Variants in SLC6A3 observed in about 807,000 individuals in gnomAD.
SLC6A3 encodes solute carrier family 6 member 3.
In SLC6A3, 19 loss-of-function variants were observed where a neutral mutation model predicts 70.4. The ratio of observed to expected loss-of-function variants is 0.27; its 90% confidence interval spans 0.19 to 0.40. The LOEUF is 0.40. Ranked by LOEUF, SLC6A3 falls within the 10% of genes least tolerant of loss-of-function variation. The pLI, the probability that SLC6A3 is intolerant of heterozygous loss-of-function variation, is 1.00. For synonymous variants in SLC6A3, 368 were observed against 356.6 expected (o/e 1.03, Z -0.36); for missense variants, 613 against 838.5 (o/e 0.73, Z 3.32).
At position 1,397,822 on chromosome 5, in the gene SLC6A3, C is replaced by G. The variant is rs997747998; in HGVS notation, c.1840-3064G>C. On this transcript the variant is annotated intron_variant, in intron 14 of 14. Coordinates refer to ENST00000270349, the MANE Select transcript of SLC6A3 (RefSeq NM_001044.5). This position sits in a 1 kb window ranked among gnomAD's most constrained non-coding sequence, Gnocchi z 4.7. ...TCTATAACAAAAGTATGGGAACCAA[C>G]AAACACCAAGCATGCACATTAGTCC... is the stretch of plus-strand genomic sequence containing the variant. Among the ~76,000 whole-genome samples the G allele has an allele frequency of 2.6e-5, 4 of 152,184 alleles. No individual in the cohort carries two copies. The highest frequency in any genetic ancestry group is 2.6e-4 in the Admixed American group (4 of 15,286).
In SLC6A3 at chr5:1,396,295, G is replaced by T. The variant is rs889730818; in HGVS notation, c.1840-1537C>A. 6.6e-6 allele frequency among the ~76,000 whole-genome samples: 1 copy of T among 152,182 alleles called. No individual in the cohort carries two copies. The highest frequency in any genetic ancestry group is 1.5e-5 in the Non-Finnish European group (1 of 68,038). On this transcript the variant is annotated intron_variant, in intron 14 of 14. Transcript: ENST00000270349. This position sits in a 1 kb window ranked among gnomAD's most constrained non-coding sequence, Gnocchi z 7.0. Reference sequence around the variant, plus strand: ...TGACCTAGATGGAATAATAGGGATCGAATTTACCCTACTGTCCGAAACAAG... The same window carrying T: ...TGACCTAGATGGAATAATAGGGATCTAATTTACCCTACTGTCCGAAACAAG...
chr5:1,429,484 G>A (rs1295289096), intron 4 of SLC6A3, among the ~76,000 whole-genome samples: 1 of 152,142 alleles, frequency 6.6e-6, no homozygotes, highest in African/African-American at 2.4e-5. Context: ...AATAGACTTC[G>A]CTAGTCTGAT....
rs1330490041 is a variant in SLC6A3 at position 1,423,061 on chromosome 5, G to T, written c.654-1047C>A. 4.9e-5 allele frequency among the ~76,000 whole-genome samples: 4 copies of T among 81,824 alleles called. 2 individuals carry two copies. Among genetic ancestry groups the T allele is most frequent in the Non-Finnish European group, 8.8e-5 (4 of 45,240 alleles). 53.7% of individuals were successfully genotyped at this position (81,824 alleles called of 152,430 possible). On this transcript the variant is annotated intron_variant, in intron 4 of 14. Coordinates refer to ENST00000270349, the MANE Select transcript of SLC6A3 (RefSeq NM_001044.5). ...CACTGCCCACAGTACTGCCCAAGGT[G>T]CTGGGTACCCACCACTGCCCACAGT... is the stretch of plus-strand genomic sequence containing the variant.
rs1012798954 is a variant in SLC6A3, at chr5:1,402,470, G to A, written c.1767+452C>T. 1.3e-4 allele frequency among the ~76,000 whole-genome samples: 20 copies of A among 151,990 alleles called. No individual in the cohort carries two copies. Among genetic ancestry groups the A allele is most frequent in the Non-Finnish European group, 1.9e-4 (13 of 68,020 alleles). ...GACCTAGATCACCCCTGATTCTACC[G>A]CCCTCAGATGGCTTCTGTGTCCACC... is the stretch of plus-strand genomic sequence containing the variant. On this transcript the variant is annotated intron_variant, in intron 13 of 14. Transcript: ENST00000270349. The surrounding 1 kb of genome is among the most constrained non-coding windows in gnomAD (Gnocchi z 8.5).
At position 1,397,192 on chromosome 5, in the gene SLC6A3, AGT is replaced by A. The variant is rs1426100005; in HGVS notation, c.1840-2436_1840-2435del. On this transcript the variant is annotated intron_variant, in intron 14 of 14. Transcript: ENST00000270349. The surrounding 1 kb of genome is among the most constrained non-coding windows in gnomAD (Gnocchi z 4.7). ...ACAGAAAGGCAGAAGGCAATCTTTC[AGT>A]GTGTGGCTGCAAAATTCACAGAATG... 6.6e-6 allele frequency among the ~76,000 whole-genome samples: 1 copy of A among 152,254 alleles called. No homozygotes were observed. The highest frequency in any genetic ancestry group is 1.5e-5 in the Non-Finnish European group (1 of 68,048).
chr5:1,444,707 A>AGCC (rs986454250), intron 1 of SLC6A3, among the ~76,000 whole-genome samples: 2 of 152,212 alleles, frequency 1.3e-5, no homozygotes, highest in East Asian at 1.9e-4. Context: ...GTCTCCGGCA[A>AGCC]GCCGCCGCCG....
In SLC6A3 at chr5:1,421,741, C is replaced by G; in HGVS notation, c.792+135G>C. Reference sequence around the variant, plus strand: ...AACTCAACCATGGCCATGTGTCCACCCCAACCTGGCCATGGCCACATTGGT... The same window carrying G: ...AACTCAACCATGGCCATGTGTCCACGCCAACCTGGCCATGGCCACATTGGT... On this transcript the variant is annotated intron_variant, in intron 5 of 14. Coordinates refer to ENST00000270349, the MANE Select transcript of SLC6A3 (RefSeq NM_001044.5). The surrounding 1 kb of genome is among the most constrained non-coding windows in gnomAD (Gnocchi z 7.2). 1 of 954,492 alleles carries G rather than the reference C, an allele frequency of 1.0e-6. No homozygotes were observed. Among genetic ancestry groups the G allele is most frequent in the Non-Finnish European group, 1.7e-6 (1 of 591,578 alleles). 59.1% of individuals were successfully genotyped at this position (954,492 alleles called of 1,614,324 possible).
rs431905516 is a variant in SLC6A3, at chr5:1,406,226, G to A, written c.1561C>T (p.Arg521Trp). The change falls in exon 12 of 15, where the codon CGG (arginine) becomes TGG (tryptophan). Residue 521 changes from arginine to tryptophan, a missense_variant. Coordinates refer to ENST00000270349, the MANE Select transcript of SLC6A3 (RefSeq NM_001044.5). The surrounding 1 kb of genome is among the most constrained non-coding windows in gnomAD (Gnocchi z 8.8). ...GGGCTGACCAGCTTCCAGCACAGCC[G>A]CCAGTACAGGCTGGGCCGCTGCCCG... ...MTGQRPSLYW[R>W]LCWKLVSPCF... 6 of 1,612,954 alleles carry A rather than the reference G, an allele frequency of 3.7e-6. No homozygotes were observed. The highest frequency in any genetic ancestry group is 1.1e-5 in the South Asian group (1 of 91,088).
intron 4 of SLC6A3, 112 bp downstream of exon 4, chr5:1,432,352 C>A (rs1756723259): frequency 2.6e-6 from 2 of 772,256 alleles, no homozygotes; most frequent in Non-Finnish European, 4.5e-6. Context: ...GGAACAGATT[C>A]CCCCTCCCCG....
Position 1,441,510 on chromosome 5 carries a change from C to G in SLC6A3, c.287-20G>C. Reference sequence around the variant, plus strand: ...AGGCACCTGTGGGGCAGAAAAGCACCTTTAGTTTGGGGCCTCGGAAGGGCC... The same window carrying G: ...AGGCACCTGTGGGGCAGAAAAGCACGTTTAGTTTGGGGCCTCGGAAGGGCC... On this transcript the variant is annotated intron_variant, in intron 2 of 14. Transcript: ENST00000270349. 1.2e-6 allele frequency: 2 copies of G among 1,612,606 alleles called. No homozygotes were observed. The highest frequency in any genetic ancestry group is 1.7e-6 in the Non-Finnish European group (2 of 1,179,232).
At chr5:1,423,677 C>A (rs1002389906) in intron 4 of SLC6A3, among the ~76,000 whole-genome samples, 4 of 152,182 alleles carry the variant, frequency 2.6e-5, no homozygotes, top group Non-Finnish European at 5.9e-5. Context: ...AGGTCCTGGG[C>A]CCCCTGTCTG....
intron 4 of SLC6A3, among the ~76,000 whole-genome samples, chr5:1,425,364 T>C (rs1417315971): frequency 6.6e-6 from 1 of 152,156 alleles, no homozygotes; most frequent in African/African-American, 2.4e-5. Context: ...TTAGAACAAA[T>C]CTAACACTCT....
intron 7 of SLC6A3, among the ~76,000 whole-genome samples, chr5:1,415,372 G>A (rs1392042914): frequency 1.3e-5 from 2 of 152,256 alleles, no homozygotes; most frequent in East Asian, 3.9e-4. Context: ...TCACTGGGGT[G>A]GAAGGACCAC....
In SLC6A3 at chr5:1,421,985, T is replaced by C; in HGVS notation, c.683A>G (p.His228Arg). The C allele has an allele frequency of 6.2e-7, 1 of 1,612,768 alleles. No homozygotes were observed. Among genetic ancestry groups the C allele is most frequent in the Non-Finnish European group, 8.5e-7 (1 of 1,180,014 alleles). Residue 228 changes from histidine to arginine, a missense_variant, in exon 5 of 15, where the codon CAT becomes CGT. Physicochemically the swap from His to Arg is conservative, Grantham distance 29 (BLOSUM62 0). Coordinates refer to ENST00000270349, the MANE Select transcript of SLC6A3 (RefSeq NM_001044.5). This position sits in a 1 kb window ranked among gnomAD's most constrained non-coding sequence, Gnocchi z 7.2. ...ERGVLHLHQS[H>R]GIDDLGPPRW... Reference sequence around the variant, plus strand: ...CGGAGGCCCCAGGTCGTCGATGCCATGGCTCTGGTGGAGGTGCAGCACGCC... The same window carrying C: ...CGGAGGCCCCAGGTCGTCGATGCCACGGCTCTGGTGGAGGTGCAGCACGCC...
chr5:1,409,156 G>A (rs1209296406), intron 10 of SLC6A3, 31 bp from the exon 11 acceptor site: 9 of 1,508,140 alleles, frequency 6.0e-6, no homozygotes, highest in African/African-American at 5.5e-5. Flanking sequence ...TGGACCTACA[G>A]AAGGGCTTTC....
At chr5:1,423,681 CT>C (rs961913156) in intron 4 of SLC6A3, among the ~76,000 whole-genome samples, 50 of 152,000 alleles carry the variant, frequency 3.3e-4, no homozygotes, top group African/African-American at 1.2e-3. Context: ...CCTGGGCCCC[CT>C]GTCTGTGGGA....
chr5:1,441,024 G>A (rs559986720), intron 3 of SLC6A3, among the ~76,000 whole-genome samples: 29 of 152,366 alleles, frequency 1.9e-4, no homozygotes, highest in African/African-American at 7.0e-4. Context: ...TGGATAGATA[G>A]ATAACAGATG....
chr5:1,441,807 G>C (rs746051544), intron 2 of SLC6A3, among the ~76,000 whole-genome samples: 19 of 152,056 alleles, frequency 1.2e-4, no homozygotes, highest in Non-Finnish European at 2.5e-4. Context: ...GTGGTGGTTC[G>C]GGGTGCCCTT....
intron 6 of SLC6A3, among the ~76,000 whole-genome samples, chr5:1,418,102 TG>T (rs796973489): frequency 1.8e-4 from 28 of 152,268 alleles, no homozygotes; most frequent in African/African-American, 6.0e-4. Context: ...GGGTGGGCAG[TG>T]GGTGGAGAGG....
Sources: gnomAD v4.1 joint callset for allele counts (sites outside exome capture counted in the v4.1 genomes callset) on GRCh38, gnomAD v4.1.1 for gene constraint, Gnocchi (gnomAD v3.1) non-coding constraint, MANE v1.5 for transcripts, NCBI Gene and HGNC (gene_info 2026-07-23, HGNC 2026-07-21) for gene names.